The following ENOX1 variants were observed in gnomAD, a reference collection of about 807,000 sequenced individuals.
ENOX1 encodes the protein ecto-NOX disulfide-thiol exchanger 1.
A neutral mutation model predicts 82.5 loss-of-function variants in ENOX1; 42 were observed. The observed-to-expected ratio is 0.51, with a 90% CI of 0.40 to 0.66. The LOEUF is 0.66. Ranked by LOEUF, ENOX1 falls within the 30% of genes least tolerant of loss-of-function variation. The pLI, the probability that ENOX1 is intolerant of heterozygous loss-of-function variation, is 0.00. For missense variants in ENOX1, 608 were observed against 811.6 expected, an observed-to-expected ratio of 0.75 and a Z score of 3.05; for synonymous variants, 271 against 282.2, an observed-to-expected ratio of 0.96 and a Z score of 0.40.
At chr13:43,629,849 G>C (rs1310737732) in intron 2 of ENOX1, among the ~76,000 whole-genome samples, 1 of 152,098 alleles carries the variant, frequency 6.6e-6, no homozygotes, top group Non-Finnish European at 1.5e-5. Flanking sequence ...ATTCAGGAGT[G>C]AGCTTCTAGT....
intron 3 of ENOX1, among the ~76,000 whole-genome samples, chr13:43,419,444 G>A (rs1226227632): frequency 6.6e-6 from 1 of 152,042 alleles, no homozygotes; most frequent in East Asian, 1.9e-4. Context: ...TGCTCAGGAC[G>A]CTGGGGTGGG....
intron 2 of ENOX1, among the ~76,000 whole-genome samples, chr13:43,617,891 TTTGTTGTTGTTG>T (rs71099839): frequency 1.3e-5 from 2 of 151,442 alleles, no homozygotes; most frequent in Non-Finnish European, 1.5e-5. Context: ...CATCTACTGG[TTTGTTGTTGTTG>T]TTGTTGTTGT....
At position 43,553,471 on chromosome 13, in the gene ENOX1, T is replaced by G. The variant is rs142202834; in HGVS notation, c.-218-69319A>C. Among the ~76,000 whole-genome samples the G allele has an allele frequency of 5.8e-4, 89 of 152,342 alleles. 1 individual carries two copies. Among genetic ancestry groups the G allele is most frequent in the Non-Finnish European group, 2.4e-4 (16 of 68,040 alleles). On this transcript the variant is annotated intron_variant, in intron 2 of 16. Coordinates refer to ENST00000690772, the MANE Select transcript of ENOX1 (RefSeq NM_001347969.2). The stretch of plus-strand genomic sequence containing the variant: ...TACTGGTGTCAAAGTACTCACCGCT[T>G]CTTTAAAACTGGCTCACTTAAATAT...
intron 8 of ENOX1, among the ~76,000 whole-genome samples, chr13:43,347,051 T>C (rs920269607): frequency 6.6e-6 from 1 of 152,200 alleles, no homozygotes; most frequent in African/African-American, 2.4e-5. Flanking sequence ...TTCTGTCATA[T>C]ACAGGTAGTT....
chr13:43,694,198 T>C (rs2086516682), intron 1 of ENOX1, among the ~76,000 whole-genome samples: 1 of 139,728 alleles, frequency 7.2e-6, no homozygotes, highest in African/African-American at 2.7e-5. Flanking sequence ...AGTTTCCATA[T>C]GGTAAAATCA....
intron 12 of ENOX1, among the ~76,000 whole-genome samples, chr13:43,279,417 G>A (rs2153489425): frequency 6.6e-6 from 1 of 152,242 alleles, no homozygotes; most frequent in South Asian, 2.1e-4. Flanking sequence ...ACTGCCAAAT[G>A]AGGAATTATT....
intron 3 of ENOX1, among the ~76,000 whole-genome samples, chr13:43,424,968 G>A (rs2055202790): frequency 6.6e-6 from 1 of 152,082 alleles, no homozygotes; most frequent in South Asian, 2.1e-4. Context: ...GAGGAAATGG[G>A]TCAAACCTTT....
chr13:43,563,084 C>T (rs2079755807), intron 2 of ENOX1, among the ~76,000 whole-genome samples: 1 of 152,110 alleles, frequency 6.6e-6, no homozygotes, highest in Non-Finnish European at 1.5e-5. Context: ...GCAAAATATA[C>T]ACTCTTCTCC....
chr13:43,569,882 C>T (rs903510114), intron 2 of ENOX1, among the ~76,000 whole-genome samples: 3 of 152,204 alleles, frequency 2.0e-5, no homozygotes, highest in African/African-American at 7.2e-5. Flanking sequence ...TCCCACACCA[C>T]ACCCTGGAAA....
intron 1 of ENOX1, among the ~76,000 whole-genome samples, chr13:43,754,072 A>ATAAATACACATATATACATATATACG (rs2153832252): frequency 2.1e-5 from 3 of 142,326 alleles, no homozygotes; most frequent in Admixed American, 7.2e-5. Context: ...ATATACGTAT[A>ATAAATACACATATATACATATATACG]TAAATACACA....
chr13:43,704,179 AAAG>A (rs990887768), intron 1 of ENOX1, among the ~76,000 whole-genome samples: 1 of 152,134 alleles, frequency 6.6e-6, no homozygotes, highest in African/African-American at 2.4e-5. Context: ...GGAAATCAGA[AAAG>A]AAGAAGAAAA....
At chr13:43,300,956 A>G (rs927758853) in intron 11 of ENOX1, among the ~76,000 whole-genome samples, 1 of 152,186 alleles carries the variant, frequency 6.6e-6, no homozygotes, top group Non-Finnish European at 1.5e-5. Flanking sequence ...GCCCAGCTTC[A>G]GATCTTGTCC....
intron 2 of ENOX1, among the ~76,000 whole-genome samples, chr13:43,646,817 A>G (rs934093319): frequency 6.6e-6 from 1 of 152,166 alleles, no homozygotes; most frequent in African/African-American, 2.4e-5. Flanking sequence ...GATGGATACA[A>G]CACTAGATAG....
chr13:43,474,175 T>C (rs1474365553), intron 3 of ENOX1, among the ~76,000 whole-genome samples: 1 of 152,128 alleles, frequency 6.6e-6, no homozygotes, highest in African/African-American at 2.4e-5. Context: ...AAATTAGATA[T>C]TCGTGAAGCA....
chr13:43,627,332 ATC>A (rs1398347620), intron 2 of ENOX1, among the ~76,000 whole-genome samples: 1 of 151,768 alleles, frequency 6.6e-6, no homozygotes, highest in Non-Finnish European at 1.5e-5. Context: ...TCTGCTTTTC[ATC>A]TCTGTTTTTT....
intron 3 of ENOX1, among the ~76,000 whole-genome samples, chr13:43,455,711 C>T (rs2057194711): frequency 6.6e-6 from 1 of 152,120 alleles, no homozygotes; most frequent in Admixed American, 6.5e-5. Flanking sequence ...GTGGGAGGGA[C>T]CCAGTGGGAG....
chr13:43,292,848 C>T (rs928735156), intron 12 of ENOX1, among the ~76,000 whole-genome samples: 3 of 151,910 alleles, frequency 2.0e-5, no homozygotes, highest in Admixed American at 1.3e-4. Context: ...CCATCACAGT[C>T]ACCATTTCTA....
chr13:43,661,862 A>G (rs920306204), intron 2 of ENOX1, among the ~76,000 whole-genome samples: 4 of 152,204 alleles, frequency 2.6e-5, no homozygotes, highest in African/African-American at 9.6e-5. Context: ...ACATTTACCG[A>G]GTATCTACTA....
At chr13:43,681,282 T>A (rs2085770402) in intron 1 of ENOX1, among the ~76,000 whole-genome samples, 1 of 152,130 alleles carries the variant, frequency 6.6e-6, no homozygotes, top group South Asian at 2.1e-4. Context: ...TCCTCTCAAT[T>A]TATACATGAG....
Sources: allele counts gnomAD v4.1 joint callset (sites outside exome capture counted in the v4.1 genomes callset), GRCh38; gene constraint gnomAD v4.1.1; transcripts MANE v1.5; gene names NCBI Gene and HGNC (gene_info 2026-07-23, HGNC 2026-07-21).